Variants in TMCC1 observed in about 807,000 individuals in gnomAD.
TMCC1 encodes transmembrane and coiled-coil domain family 1, also known as transmembrane and coiled-coil domains protein 1.
In TMCC1, 15 loss-of-function variants were observed where a neutral mutation model predicts 52.4. That is an observed-to-expected ratio of 0.29 (90% CI 0.19 to 0.44). The LOEUF is 0.44. Among genes scored for constraint, TMCC1 ranks in the 20% least tolerant of loss-of-function variants. The pLI is 1.00. For synonymous variants in TMCC1, 279 were observed against 301.9 expected (o/e 0.92, Z 0.79); for missense variants, 503 against 806.0 (o/e 0.62, Z 4.55).
intron 4 of TMCC1, among the ~76,000 whole-genome samples, chr3:129,795,451 A>G (rs1272644772): frequency 2.7e-5 from 1 of 36,974 alleles, no homozygotes; most frequent in South Asian, 1.7e-3. Flanking sequence ...GGCAGAACTC[A>G]TTCGTATATT....
At chr3:129,703,865 C>T (rs1226713442) in intron 4 of TMCC1, among the ~76,000 whole-genome samples, 1 of 152,154 alleles carries the variant, frequency 6.6e-6, no homozygotes, top group Admixed American at 6.6e-5. Flanking sequence ...TATTAACTTG[C>T]CTTTCATTTC....
intron 4 of TMCC1, among the ~76,000 whole-genome samples, chr3:129,695,424 G>T (rs1227426826): frequency 6.6e-6 from 1 of 152,096 alleles, no homozygotes; most frequent in Non-Finnish European, 1.5e-5. Flanking sequence ...CCGAAGACTG[G>T]GTAATTTATA....
intron 4 of TMCC1, among the ~76,000 whole-genome samples, chr3:129,742,205 AAAC>A (rs2051518446): frequency 6.6e-6 from 1 of 152,136 alleles, no homozygotes; most frequent in Non-Finnish European, 1.5e-5. Context: ...CCAAAAACAT[AAAC>A]AACAAAAGAA....
chr3:129,802,813 T>C (rs185615259), intron 4 of TMCC1, among the ~76,000 whole-genome samples: 154 of 152,324 alleles, frequency 1.0e-3, no homozygotes, highest in African/African-American at 3.4e-3. Context: ...TTATGCCACC[T>C]TGGCATTTGA....
chr3:129,695,096 CAA>C (rs11291309), intron 4 of TMCC1, among the ~76,000 whole-genome samples: 641 of 35,076 alleles, frequency 0.018, no homozygotes, highest in East Asian at 0.079. Context: ...GACTCTGTCT[CAA>C]AAAAAAAAAA....
At position 129,659,265 on chromosome 3, in the gene TMCC1, A is replaced by AT. The variant is rs552128250; in HGVS notation, c.1512-4163dup. On this transcript the variant is annotated intron_variant, in intron 5 of 6. Coordinates refer to ENST00000393238, the MANE Select transcript of TMCC1 (RefSeq NM_001017395.5). ...CTGACATGCACCACCAAGCCTGGCT[A>AT]TTTTTTTTTTTCAGAGACAGGGTCT... Among the ~76,000 whole-genome samples the AT allele has an allele frequency of 2.1e-3, 294 of 142,176 alleles. 4 individuals are homozygous for AT. The highest frequency in any genetic ancestry group is 0.016 in the East Asian group (80 of 4,910). 93.3% of individuals were successfully genotyped at this position (142,176 alleles called of 152,430 possible).
At chr3:129,753,316 G>A (rs1446824610) in intron 4 of TMCC1, among the ~76,000 whole-genome samples, 1 of 152,170 alleles carries the variant, frequency 6.6e-6, no homozygotes, top group Admixed American at 6.5e-5. Flanking sequence ...TGGAAAAAGA[G>A]TGAATTTTAG....
chr3:129,735,337 A>G (rs2107622868), intron 4 of TMCC1, among the ~76,000 whole-genome samples: 2 of 152,266 alleles, frequency 1.3e-5, no homozygotes, highest in Admixed American at 1.3e-4. Flanking sequence ...CTTCGCCAAA[A>G]AAGTGTGTTT....
chr3:129,854,168 G>GA (rs1207975384), intron 2 of TMCC1, among the ~76,000 whole-genome samples: 8 of 152,136 alleles, frequency 5.3e-5, no homozygotes, highest in Non-Finnish European at 8.8e-5. Flanking sequence ...GAGGTAGGTG[G>GA]ATCACTTGAG....
At chr3:129,794,720 G>A (rs1046146879) in intron 4 of TMCC1, among the ~76,000 whole-genome samples, 1 of 152,010 alleles carries the variant, frequency 6.6e-6, no homozygotes, top group Non-Finnish European at 1.5e-5. Context: ...AAACTCCAGA[G>A]GACAGACCTG....
chr3:129,889,957 A>C (rs1265716916), intron 1 of TMCC1, among the ~76,000 whole-genome samples: 1 of 143,170 alleles, frequency 7.0e-6, no homozygotes, highest in Non-Finnish European at 1.5e-5. Context: ...AGCTCACAAC[A>C]ACCAGAAGGG....
chr3:129,783,442 GATC>G (rs1326024951), intron 4 of TMCC1, among the ~76,000 whole-genome samples: 1 of 151,904 alleles, frequency 6.6e-6, no homozygotes, highest in Non-Finnish European at 1.5e-5. Flanking sequence ...TTTATTTTAT[GATC>G]ATTTTTTTTC....
chr3:129,819,463 T>G (rs1386288586), intron 4 of TMCC1, among the ~76,000 whole-genome samples: 1 of 152,222 alleles, frequency 6.6e-6, no homozygotes, highest in African/African-American at 2.4e-5. Flanking sequence ...ACTAAACATC[T>G]GTATTATTTT....
At chr3:129,799,704 C>T (rs1022382239) in intron 4 of TMCC1, among the ~76,000 whole-genome samples, 5 of 151,920 alleles carry the variant, frequency 3.3e-5, no homozygotes, top group African/African-American at 7.3e-5. Context: ...CCCAGCTGCT[C>T]GGGAGGCTGA....
chr3:129,828,374 T>C lies in TMCC1; in HGVS notation c.5A>G (p.Glu2Gly). ...AAATAACTGTTCACTGCCCGAAGGC[T>C]CCATCAGTAGACTTAATATGCTTAT... M[E>G]PSGSEQLFED... is the part of the protein sequence containing the mutation. The change falls in exon 4 of 7, where the codon GAG becomes GGG. Residue 2 changes from glutamate (E) to glycine (G), a missense_variant. Physicochemically the swap from Glu to Gly is moderately conservative, Grantham distance 98 (BLOSUM62 -2). Coordinates refer to ENST00000393238, the MANE Select transcript of TMCC1 (RefSeq NM_001017395.5). This position sits in a 1 kb window ranked among gnomAD's most constrained non-coding sequence, Gnocchi z 4.1. 6.2e-7 allele frequency: 1 copy of C among 1,613,226 alleles called. No individual in the cohort carries two copies. The highest frequency in any genetic ancestry group is 8.5e-7 in the Non-Finnish European group (1 of 1,179,626).
chr3:129,725,404 C>T (rs116643800), intron 4 of TMCC1, among the ~76,000 whole-genome samples: 167 of 152,164 alleles, frequency 1.1e-3, no homozygotes, highest in African/African-American at 3.4e-3. Flanking sequence ...CCACTGTGCG[C>T]GGCCTAATCG....
chr3:129,850,126 C>T (rs937772083), intron 2 of TMCC1, among the ~76,000 whole-genome samples: 1 of 152,108 alleles, frequency 6.6e-6, no homozygotes, highest in Non-Finnish European at 1.5e-5. Flanking sequence ...CTACCACCTC[C>T]ATCAATTCAT....
At chr3:129,821,908 CAA>C (rs1367185986) in intron 4 of TMCC1, among the ~76,000 whole-genome samples, 3 of 151,880 alleles carry the variant, frequency 2.0e-5, no homozygotes, top group Non-Finnish European at 4.4e-5. Context: ...CAAAAAAATA[CAA>C]AAATTAGCCG....
intron 4 of TMCC1, among the ~76,000 whole-genome samples, chr3:129,797,240 G>A (rs2056889988): frequency 6.6e-6 from 1 of 151,820 alleles, no homozygotes; most frequent in South Asian, 2.1e-4. Context: ...GCAGGAGAAT[G>A]GCATGAATCC....
Sources: gnomAD v4.1 joint callset for allele counts (sites outside exome capture counted in the v4.1 genomes callset) on GRCh38, gnomAD v4.1.1 for gene constraint, Gnocchi (gnomAD v3.1) non-coding constraint, MANE v1.5 for transcripts, NCBI Gene and HGNC (gene_info 2026-07-23, HGNC 2026-07-21) for gene names.